The following PTP4A1 variants were observed in gnomAD, a reference collection of about 807,000 sequenced individuals.
The protein encoded by PTP4A1 is protein tyrosine phosphatase type IVA 1.
In PTP4A1, 9 loss-of-function variants were observed where a neutral mutation model predicts 20.5. The ratio of observed to expected loss-of-function variants is 0.44; its 90% CI spans 0.26 to 0.77. The LOEUF is 0.77. Ranked by LOEUF, PTP4A1 falls within the 30% of genes least tolerant of loss-of-function variation. The pLI is 0.19. For missense variants in PTP4A1, 137 were observed against 218.8 expected (o/e 0.63, Z 2.36); for synonymous variants, 78 against 67.4 (o/e 1.16, Z -0.77).
upstream of PTP4A1, among the ~76,000 whole-genome samples, chr6:63,568,620 C>T (rs920605516): frequency 1.3e-5 from 2 of 151,324 alleles, no homozygotes; most frequent in African/African-American, 4.9e-5. Context: ...CTCTGATAGA[C>T]TTGCTCGACA....
At position 63,580,743 on chromosome 6, in the gene PTP4A1, T is replaced by TA. The variant is rs1554141897; in HGVS notation, c.*570dup. Reference sequence around the variant, plus strand: ...TTAACCATTGATTTTTTTTTTTTTTTACCAAGTCTTACAGTGATTATTTTA... The same window carrying TA: ...TTAACCATTGATTTTTTTTTTTTTTTAACCAAGTCTTACAGTGATTATTTTA... On this transcript the variant is annotated 3_prime_UTR_variant, in exon 6 of 6. Coordinates refer to ENST00000626021, the MANE Select transcript of PTP4A1 (RefSeq NM_003463.5). The TA allele has an allele frequency of 2.6e-4, 40 of 152,548 alleles. No individual in the cohort carries two copies. Among genetic ancestry groups the TA allele is most frequent in the African/African-American group, 9.4e-4 (39 of 41,486 alleles). The allele number at this position is 152,548 out of a possible 1,614,324, so 9.4% of individuals were successfully genotyped here.
At chr6:63,538,455 A>T (rs963052520) in intron 2 of PTP4A1, among the ~76,000 whole-genome samples, 3 of 152,220 alleles carry the variant, frequency 2.0e-5, no homozygotes, top group African/African-American at 7.2e-5. Context: ...ACATAATAAA[A>T]ATTAGATTAG....
At position 63,581,655 on chromosome 6, in the gene PTP4A1, T is replaced by C. The variant is rs766304644; in HGVS notation, c.*1481T>C. 6.6e-6 allele frequency: 1 copy of C among 152,150 alleles called. No individual in the cohort carries two copies. Among genetic ancestry groups the C allele is most frequent in the Non-Finnish European group, 1.5e-5 (1 of 67,988 alleles). The allele number at this position is 152,150 out of a possible 1,614,324, so 9.4% of individuals were successfully genotyped here. A position where few individuals can be genotyped will look rare whatever the true frequency, so the allele number is the denominator to read the frequency against. On this transcript the variant is annotated 3_prime_UTR_variant, in exon 6 of 6. Coordinates refer to ENST00000626021, the MANE Select transcript of PTP4A1 (RefSeq NM_003463.5). Reference sequence around the variant, plus strand: ...TAAAAGCACTTTCCATTATATACTTTTTAAAGGTCTAGATAATTTTGAACC... The same window carrying C: ...TAAAAGCACTTTCCATTATATACTTCTTAAAGGTCTAGATAATTTTGAACC...
intron 3 of PTP4A1, chr6:63,550,618 T>A (rs1187928812): frequency 6.6e-6 from 1 of 152,444 alleles, no homozygotes; most frequent in Non-Finnish European, 1.5e-5. Flanking sequence ...TGTTTTTGGT[T>A]GGTTGGTTGG....
chr6:63,529,115 A>C (rs1208440675), intron 2 of PTP4A1, among the ~76,000 whole-genome samples: 1 of 145,654 alleles, frequency 6.9e-6, no homozygotes, highest in African/African-American at 2.5e-5. Flanking sequence ...GTGTATATAT[A>C]TATATGTATA....
chr6:63,572,866 T>C (rs1479117859), intron 1 of PTP4A1, 147 bp downstream of exon 1: 1 of 391,890 alleles, frequency 2.6e-6, no homozygotes, highest in African/African-American at 2.1e-5. Context: ...AGCGGGCGGG[T>C]TATGGCCCTG....
intron 3 of PTP4A1, among the ~76,000 whole-genome samples, chr6:63,559,736 C>T (rs1380997192): frequency 6.6e-6 from 1 of 151,314 alleles, no homozygotes; most frequent in Non-Finnish European, 1.5e-5. Context: ...CAGAATGAGA[C>T]TCTGTCTCAA....
intron 2 of PTP4A1, among the ~76,000 whole-genome samples, chr6:63,540,842 C>CA (rs552657579): frequency 0.096 from 12,734 of 132,882 alleles, 569 homozygotes; most frequent in East Asian, 0.17. Flanking sequence ...GCTGAAAATA[C>CA]AAAAAAAAAA....
In PTP4A1 at chr6:63,581,533, A is replaced by T. The variant is rs1778225200; in HGVS notation, c.*1359A>T. The T allele has an allele frequency of 6.6e-6, 1 of 152,362 alleles. No homozygotes were observed. Among genetic ancestry groups the T allele is most frequent in the African/African-American group, 2.4e-5 (1 of 41,450 alleles). The allele number at this position is 152,362 out of a possible 1,614,324, so 9.4% of individuals were successfully genotyped here. On this transcript the variant is annotated 3_prime_UTR_variant, in exon 6 of 6. Coordinates refer to ENST00000626021, the MANE Select transcript of PTP4A1 (RefSeq NM_003463.5). ...TGCACTTCACTTAATGTGTGTCCTC[A>T]TCTTTTTACAAATAAATGAAGGATT... is the stretch of plus-strand genomic sequence containing the variant.
intron 2 of PTP4A1, chr6:63,549,536 T>G: frequency 1.6e-6 from 1 of 640,844 alleles, no homozygotes; most frequent in Non-Finnish European, 2.7e-6. Flanking sequence ...TAATTATTTT[T>G]AAAGGTGATA....
rs2149518889 is a variant in PTP4A1 at position 63,580,870 on chromosome 6, A to G, written c.*696A>G. ...TGTCTTTAATGTCTTCAGACAAAAAAGCCTTACATTAATTTAATGTTTGCA... is the reference window on the plus strand; with the variant it reads ...TGTCTTTAATGTCTTCAGACAAAAAGGCCTTACATTAATTTAATGTTTGCA... On this transcript the variant is annotated 3_prime_UTR_variant, in exon 6 of 6. Coordinates refer to ENST00000626021, the MANE Select transcript of PTP4A1 (RefSeq NM_003463.5). 6.5e-6 allele frequency: 1 copy of G among 152,720 alleles called. No homozygotes were observed. Among genetic ancestry groups the G allele is most frequent in the East Asian group, 1.9e-4 (1 of 5,190 alleles). The allele number at this position is 152,720 out of a possible 1,614,324, so 9.5% of individuals were successfully genotyped here.
intron 1 of PTP4A1, among the ~76,000 whole-genome samples, chr6:63,525,055 G>A (rs553869083): frequency 1.3e-5 from 2 of 152,182 alleles, no homozygotes; most frequent in Non-Finnish European, 2.9e-5. Flanking sequence ...AGACAGACTA[G>A]AGCAGCATTT....
intron 2 of PTP4A1, among the ~76,000 whole-genome samples, chr6:63,577,670 C>A (rs1777956789): frequency 6.6e-6 from 1 of 152,114 alleles, no homozygotes; most frequent in Non-Finnish European, 1.5e-5. Flanking sequence ...AATTCTCCTG[C>A]CTCAGCCTCC....
At chr6:63,537,813 T>C (rs1775787470) in intron 2 of PTP4A1, among the ~76,000 whole-genome samples, 1 of 152,182 alleles carries the variant, frequency 6.6e-6, no homozygotes, top group Non-Finnish European at 1.5e-5. Context: ...TCCTAACCCG[T>C]AGGGCACAAT....
chr6:63,557,390 AC>A (rs1776736764), intron 3 of PTP4A1, among the ~76,000 whole-genome samples: 1 of 152,044 alleles, frequency 6.6e-6, no homozygotes, highest in South Asian at 2.1e-4. Context: ...ACATGGTGAA[AC>A]CCTGTCTCTA....
chr6:63,554,428 T>G (rs1349958310), intron 3 of PTP4A1, among the ~76,000 whole-genome samples: 1 of 152,158 alleles, frequency 6.6e-6, no homozygotes, highest in Non-Finnish European at 1.5e-5. Flanking sequence ...TTACCTCCAC[T>G]CCCACATTAC....
At chr6:63,543,366 A>T (rs1776060237) in intron 2 of PTP4A1, among the ~76,000 whole-genome samples, 1 of 152,100 alleles carries the variant, frequency 6.6e-6, no homozygotes, top group Admixed American at 6.6e-5. Flanking sequence ...CCTTCTTGGC[A>T]CCTTTCAAAA....
At chr6:63,520,859 A>G (rs1195850192), upstream of PTP4A1, among the ~76,000 whole-genome samples, 1 of 152,156 alleles carries the variant, frequency 6.6e-6, no homozygotes, top group African/African-American at 2.4e-5. Context: ...GTAGTGCACT[A>G]CATGAACAAT....
chr6:63,527,162 C>T (rs1323523668), intron 1 of PTP4A1, among the ~76,000 whole-genome samples: 2 of 152,078 alleles, frequency 1.3e-5, no homozygotes, highest in Non-Finnish European at 2.9e-5. Context: ...GCTTGGATTG[C>T]CTTTCTTCTA....
Sources: gnomAD v4.1 joint callset for allele counts (sites outside exome capture counted in the v4.1 genomes callset) on GRCh38, gnomAD v4.1.1 for gene constraint, MANE v1.5 for transcripts, NCBI Gene and HGNC (gene_info 2026-07-23, HGNC 2026-07-21) for gene names.